DLG2: variants seen among roughly 807,000 people sequenced by gnomAD.
DLG2 encodes the protein disks large homolog 2.
A neutral mutation model predicts 132.5 loss-of-function variants in DLG2; 45 were observed. The ratio of observed to expected loss-of-function variants is 0.34; its 90% CI spans 0.27 to 0.44. DLG2 has a LOEUF of 0.44. DLG2 is among the 20% of genes least tolerant of loss of function. The probability of loss-of-function intolerance (pLI) is 1.00; values close to 1 mark genes in which losing one functional copy is unlikely to be tolerated. For missense variants in DLG2, 1,045 were observed against 1,196.9 expected, an observed-to-expected ratio of 0.87 and a Z score of 1.87; for synonymous variants, 424 against 419.6, an observed-to-expected ratio of 1.01 and a Z score of -0.13.
At position 83,857,034 on chromosome 11, in the gene DLG2, C is replaced by G. The variant is rs763240083; in HGVS notation, c.1565+17386G>C. 3.8e-4 allele frequency among the ~76,000 whole-genome samples: 58 copies of G among 152,148 alleles called. 2 individuals carry two copies. Among genetic ancestry groups the G allele is most frequent in the Non-Finnish European group, 7.4e-5 (5 of 68,020 alleles). On this transcript the variant is annotated intron_variant, in intron 16 of 27. Transcript: ENST00000376104. Reference sequence around the variant, plus strand: ...AAGAAAGGAGTACAGTTTTAATCTTCTGTATATGGCTAGCCAGTTCTCCCA... The same window carrying G: ...AAGAAAGGAGTACAGTTTTAATCTTGTGTATATGGCTAGCCAGTTCTCCCA...
intron 3 of DLG2, among the ~76,000 whole-genome samples, chr11:85,477,206 A>G (rs2153084477): frequency 6.6e-6 from 1 of 152,330 alleles, no homozygotes; most frequent in South Asian, 2.1e-4. Flanking sequence ...CATCCTATTT[A>G]AAGACACAAA....
chr11:84,845,157 G>C (rs530480635), intron 6 of DLG2, among the ~76,000 whole-genome samples: 47 of 152,152 alleles, frequency 3.1e-4, no homozygotes, highest in African/African-American at 1.1e-3. Context: ...GACAAGGGTT[G>C]GTTTAGTAAA....
At chr11:84,529,576 C>T (rs924935752) in intron 7 of DLG2, among the ~76,000 whole-genome samples, 2 of 152,136 alleles carry the variant, frequency 1.3e-5, no homozygotes, top group East Asian at 3.9e-4. Context: ...CCTATGAATA[C>T]AGCTAACCAT....
At chr11:85,623,840 G>C (rs1252103430) in intron 2 of DLG2, among the ~76,000 whole-genome samples, 1 of 152,184 alleles carries the variant, frequency 6.6e-6, no homozygotes, top group Non-Finnish European at 1.5e-5. Flanking sequence ...TGTTAACACA[G>C]TAGGAAATCA....
At chr11:84,203,944 C>T (rs774735359) in intron 8 of DLG2, among the ~76,000 whole-genome samples, 5 of 151,984 alleles carry the variant, frequency 3.3e-5, no homozygotes, top group Admixed American at 6.6e-5. Context: ...AAATAAAAGT[C>T]GGGGAAAAAT....
chr11:84,710,828 G>A (rs182341458), intron 6 of DLG2, among the ~76,000 whole-genome samples: 2 of 150,942 alleles, frequency 1.3e-5, no homozygotes, highest in East Asian at 2.0e-4. Flanking sequence ...ACACACAAAT[G>A]GAAGTTTCAA....
intron 7 of DLG2, among the ~76,000 whole-genome samples, chr11:84,476,164 C>T (rs1331350798): frequency 6.6e-6 from 1 of 152,094 alleles, no homozygotes; most frequent in Non-Finnish European, 1.5e-5. Context: ...AGTTAGGAAA[C>T]TTGTTCAAAA....
At chr11:85,380,889 CT>C (rs1475852276) in intron 3 of DLG2, among the ~76,000 whole-genome samples, 1 of 152,164 alleles carries the variant, frequency 6.6e-6, no homozygotes, top group Non-Finnish European at 1.5e-5. Context: ...AGAAGATCCC[CT>C]GAAGCAGCAA....
At chr11:83,822,457 A>G (rs1473696656) in intron 17 of DLG2, among the ~76,000 whole-genome samples, 1 of 152,118 alleles carries the variant, frequency 6.6e-6, no homozygotes, top group Non-Finnish European at 1.5e-5. Flanking sequence ...TTTGGGGACA[A>G]TTCAAGACAG....
chr11:84,916,973 T>A (rs1285558556), intron 6 of DLG2, among the ~76,000 whole-genome samples: 1 of 152,236 alleles, frequency 6.6e-6, no homozygotes, highest in Non-Finnish European at 1.5e-5. Flanking sequence ...CTAACCATCT[T>A]ATCTAAAACT....
At chr11:84,931,426 TC>T (rs1282882345) in intron 6 of DLG2, among the ~76,000 whole-genome samples, 83 of 152,294 alleles carry the variant, frequency 5.4e-4, no homozygotes, top group African/African-American at 1.9e-3. Context: ...TATTTGCTTT[TC>T]TATTCCTGTG....
At chr11:84,204,157 A>G (rs1222907668) in intron 8 of DLG2, among the ~76,000 whole-genome samples, 2 of 151,956 alleles carry the variant, frequency 1.3e-5, no homozygotes, top group African/African-American at 4.8e-5. Flanking sequence ...GGGTTTCTCC[A>G]TGTTTGTCAG....
rs147343457 is a variant in DLG2 at position 84,429,291 on chromosome 11, T to C, written c.519+105279A>G. Among the ~76,000 whole-genome samples, 456 of 152,298 alleles carry C rather than the reference T, an allele frequency of 3.0e-3. 3 individuals are homozygous for C. The highest frequency in any genetic ancestry group is 3.4e-3 in the Middle Eastern group (1 of 294). On this transcript the variant is annotated intron_variant, in intron 7 of 27. Coordinates refer to ENST00000376104, the MANE Select transcript of DLG2 (RefSeq NM_001142699.3). ...TCCCTTTAAGGATTCTGCAGTCTTA[T>C]AGAAAATCAGAATTAGAATCAAAAA... is the stretch of plus-strand genomic sequence containing the variant.
At chr11:84,193,614 A>C (rs1290536198) in intron 8 of DLG2, among the ~76,000 whole-genome samples, 1 of 152,204 alleles carries the variant, frequency 6.6e-6, no homozygotes, top group Non-Finnish European at 1.5e-5. Context: ...ATTAAACCTC[A>C]TATTTGATTT....
At chr11:85,018,725 T>C (rs1331783701) in intron 6 of DLG2, among the ~76,000 whole-genome samples, 2 of 151,646 alleles carry the variant, frequency 1.3e-5, no homozygotes, top group Non-Finnish European at 2.9e-5. Flanking sequence ...ATTGTAATCA[T>C]ACAATTAATA....
chr11:85,590,995 C>A (rs2079291496), intron 3 of DLG2, among the ~76,000 whole-genome samples: 1 of 152,098 alleles, frequency 6.6e-6, no homozygotes, highest in Non-Finnish European at 1.5e-5. Flanking sequence ...AAACAACCAG[C>A]CTCATACTCA....
At chr11:84,066,917 A>G (rs779777037) in intron 10 of DLG2, among the ~76,000 whole-genome samples, 9 of 152,208 alleles carry the variant, frequency 5.9e-5, no homozygotes. Flanking sequence ...TGAATTAATT[A>G]CAGACCAAAG....
intron 6 of DLG2, among the ~76,000 whole-genome samples, chr11:85,017,513 C>T (rs1382226991): frequency 6.6e-6 from 1 of 152,152 alleles, no homozygotes; most frequent in Non-Finnish European, 1.5e-5. Context: ...GGCACACTCC[C>T]CTTAAAACTG....
At chr11:85,263,398 C>T (rs546350616) in intron 4 of DLG2, among the ~76,000 whole-genome samples, 16 of 152,266 alleles carry the variant, frequency 1.1e-4, no homozygotes, top group African/African-American at 2.9e-4. Flanking sequence ...TTGCCCAAAA[C>T]GCATGTGGGT....
Sources: allele counts gnomAD v4.1 joint callset (sites outside exome capture counted in the v4.1 genomes callset), GRCh38; gene constraint gnomAD v4.1.1; transcripts MANE v1.5; gene names NCBI Gene and HGNC (gene_info 2026-07-23, HGNC 2026-07-21).